The following CAMTA1 variants were observed in gnomAD, a reference collection of about 807,000 sequenced individuals.
CAMTA1 encodes the protein calmodulin-binding transcription activator 1.
A neutral mutation model predicts 170.9 loss-of-function variants in CAMTA1; 27 were observed. That is an observed-to-expected ratio of 0.16 (90% CI 0.12 to 0.22). CAMTA1 has a LOEUF of 0.22. CAMTA1 is among the 10% of genes least tolerant of loss of function. CAMTA1 has a pLI of 1.00. For missense variants in CAMTA1, 1,619 were observed against 2,217.2 expected (o/e 0.73, Z 5.42); for synonymous variants, 833 against 891.5 (o/e 0.93, Z 1.17).
intron 11 of CAMTA1, among the ~76,000 whole-genome samples, chr1:7,710,151 C>A (rs1032246915): frequency 6.6e-6 from 1 of 152,206 alleles, no homozygotes; most frequent in African/African-American, 2.4e-5. Flanking sequence ...GCTCAGTATA[C>A]CTTTCCTTGT....
At chr1:7,097,099 A>G (rs1381973486) in intron 4 of CAMTA1, among the ~76,000 whole-genome samples, 2 of 151,834 alleles carry the variant, frequency 1.3e-5, no homozygotes, top group Non-Finnish European at 2.9e-5. Flanking sequence ...CCTTCCCCAA[A>G]CTCACCAACT....
intron 7 of CAMTA1, among the ~76,000 whole-genome samples, chr1:7,656,810 T>TG (rs979255752): frequency 6.6e-6 from 1 of 152,274 alleles, no homozygotes; most frequent in Non-Finnish European, 1.5e-5. Context: ...CTCCAAAGCA[T>TG]GGGCCACACG....
chr1:7,646,449 GCGGA>G (rs2095805718), intron 7 of CAMTA1, among the ~76,000 whole-genome samples: 1 of 144,290 alleles, frequency 6.9e-6, no homozygotes, highest in Admixed American at 6.9e-5. Flanking sequence ...CCCTGTTGAG[GCGGA>G]TGGAGGCCCT....
At chr1:7,366,033 C>T (rs1434156225) in intron 5 of CAMTA1, among the ~76,000 whole-genome samples, 1 of 152,240 alleles carries the variant, frequency 6.6e-6, no homozygotes, top group Non-Finnish European at 1.5e-5. Context: ...TACCTGGTGA[C>T]TTGCTCCTTT....
intron 11 of CAMTA1, among the ~76,000 whole-genome samples, chr1:7,722,626 A>G (rs1203349514): frequency 1.3e-5 from 2 of 152,236 alleles, no homozygotes; most frequent in Non-Finnish European, 2.9e-5. Flanking sequence ...ATATACTACT[A>G]TACTATAACC....
At chr1:7,253,375 A>G (rs1226334981) in intron 5 of CAMTA1, among the ~76,000 whole-genome samples, 1 of 152,042 alleles carries the variant, frequency 6.6e-6, no homozygotes, top group African/African-American at 2.4e-5. Context: ...AGTTCATGAT[A>G]CTTTTCTCTG....
At chr1:7,445,792 T>C (rs1003533371) in intron 5 of CAMTA1, among the ~76,000 whole-genome samples, 1 of 152,188 alleles carries the variant, frequency 6.6e-6, no homozygotes, top group East Asian at 1.9e-4. Context: ...CATCTCAATT[T>C]GCTGCTGCTA....
chr1:6,787,094 T>C (rs1323207119), intron 1 of CAMTA1, among the ~76,000 whole-genome samples: 6 of 152,286 alleles, frequency 3.9e-5, no homozygotes. Context: ...CCCGATTGTT[T>C]TTTGAGAGAA....
At position 7,745,726 on chromosome 1, in the gene CAMTA1, A is replaced by G. The variant is rs532536370; in HGVS notation, c.4371-119A>G. On this transcript the variant is annotated intron_variant, in intron 17 of 22. Transcript: ENST00000303635. The stretch of plus-strand genomic sequence containing the variant: ...GCAACTTGCCTAACTGAATGAAGGC[A>G]TGTTCCTAATTGCCCACAGTGGCTT... 5 of 1,203,520 alleles carry G rather than the reference A, an allele frequency of 4.2e-6. No homozygotes were observed. In the African/African-American group the frequency reaches 4.5e-5, roughly 11 times the overall value. 74.6% of individuals were successfully genotyped at this position (1,203,520 alleles called of 1,614,324 possible). A position where few individuals can be genotyped will look rare whatever the true frequency, so the allele number is the denominator to read the frequency against.
chr1:6,825,390 G>A (rs562321170), intron 3 of CAMTA1, among the ~76,000 whole-genome samples, 180 bp downstream of exon 3: 5 of 152,156 alleles, frequency 3.3e-5, no homozygotes, highest in Non-Finnish European at 7.4e-5. Flanking sequence ...ATCTGTCTCT[G>A]ATCTGCTTGG....
chr1:7,119,604 T>C (rs898922751), intron 4 of CAMTA1, among the ~76,000 whole-genome samples: 1 of 152,200 alleles, frequency 6.6e-6, no homozygotes, highest in Non-Finnish European at 1.5e-5. Context: ...CGATCTCTCT[T>C]CTGGGCTAAT....
intron 11 of CAMTA1, among the ~76,000 whole-genome samples, chr1:7,715,500 A>G (rs1237042618): frequency 1.3e-5 from 2 of 150,290 alleles, no homozygotes; most frequent in Admixed American, 1.3e-4. Flanking sequence ...TGGCACAGTC[A>G]TGGCTCACTG....
intron 14 of CAMTA1, 69 bp downstream of exon 14, chr1:7,737,078 C>T: frequency 2.1e-6 from 3 of 1,401,922 alleles, no homozygotes; most frequent in Non-Finnish European, 3.0e-6. Context: ...GCCTGGTTCC[C>T]ACCGTTGTCT....
At chr1:7,715,602 C>G (rs964297141) in intron 11 of CAMTA1, among the ~76,000 whole-genome samples, 5 of 152,160 alleles carry the variant, frequency 3.3e-5, no homozygotes, top group African/African-American at 9.7e-5. Flanking sequence ...AGCCACATCC[C>G]CCTTTCACAG....
chr1:7,752,344 T>A, intron 20 of CAMTA1, 115 bp from the exon 21 acceptor site: 1 of 834,792 alleles, frequency 1.2e-6, no homozygotes, highest in Non-Finnish European at 2.1e-6. Context: ...TAACATATGC[T>A]GTTGGCTTTG....
chr1:7,159,464 TC>T, intron 4 of CAMTA1, among the ~76,000 whole-genome samples: 1 of 152,042 alleles, frequency 6.6e-6, no homozygotes, highest in Non-Finnish European at 1.5e-5. Context: ...GCTACCGACT[TC>T]CCTGTGTGCC....
chr1:7,377,014 A>AG (rs1469292146), intron 5 of CAMTA1, among the ~76,000 whole-genome samples: 2 of 152,184 alleles, frequency 1.3e-5, no homozygotes, highest in South Asian at 4.1e-4. Context: ...TGCTCTGCCC[A>AG]GGCAAGATGG....
In CAMTA1 at chr1:7,140,803, A is replaced by C. The variant is rs78103262; in HGVS notation, c.302+49432A>C. Among the ~76,000 whole-genome samples the C allele has an allele frequency of 9.8e-5, 15 of 152,300 alleles. No homozygotes were observed. The East Asian group carries it at 2.7e-3, about 27-fold the overall frequency. On this transcript the variant is annotated intron_variant, in intron 4 of 22. Transcript: ENST00000303635. ...GGTAGGCAGATGTACCGGTATGTTA[A>C]ACTTTATGTCGCTTGAAAATGGTTT...
intron 3 of CAMTA1, among the ~76,000 whole-genome samples, chr1:6,889,784 A>G (rs1557771971): frequency 6.6e-6 from 1 of 152,202 alleles, no homozygotes; most frequent in Non-Finnish European, 1.5e-5. Flanking sequence ...CCAGAGATGC[A>G]GGAGCACATG....
Sources: allele counts gnomAD v4.1 joint callset (sites outside exome capture counted in the v4.1 genomes callset), GRCh38; gene constraint gnomAD v4.1.1; transcripts MANE v1.5; gene names NCBI Gene and HGNC (gene_info 2026-07-23, HGNC 2026-07-21).